Variants in DACH2 observed in about 807,000 individuals in gnomAD.
DACH2 encodes dachshund family transcription factor 2, also known as dachshund homolog 2.
A neutral mutation model predicts 35.8 loss-of-function variants in DACH2; 17 were observed. That is an observed-to-expected ratio of 0.48 (90% CI 0.33 to 0.71). The LOEUF is 0.71. DACH2 is among the 30% of genes least tolerant of loss of function. DACH2 has a pLI of 0.02. For synonymous variants in DACH2, 195 were observed against 177.3 expected, an observed-to-expected ratio of 1.10 and a Z score of -0.79; for missense variants, 469 against 472.7, an observed-to-expected ratio of 0.99 and a Z score of 0.07.
intron 4 of DACH2, among the ~76,000 whole-genome samples, chrX:86,688,279 T>C (rs763991786): frequency 8.9e-5 from 10 of 111,771 alleles, no homozygotes; most frequent in Non-Finnish European, 1.7e-4. Flanking sequence ...CCATCTTCTT[T>C]ATTTTTGTTT....
chrX:86,646,067 G>T (rs1279983706), intron 3 of DACH2, among the ~76,000 whole-genome samples: 2 of 111,177 alleles, frequency 1.8e-5, no homozygotes, highest in African/African-American at 3.3e-5. Context: ...GTTTAAAAAA[G>T]AAATAAAATA....
In DACH2 at chrX:86,438,288, A is replaced by T. The variant is rs746227440; in HGVS notation, c.527+61426A>T. On this transcript the variant is annotated intron_variant, in intron 2 of 11. Coordinates refer to ENST00000373125, the MANE Select transcript of DACH2 (RefSeq NM_053281.3). ...GCCTGGGCTGGAGTGCAATGGCGTG[A>T]TCTTGGCTCACTTCAACCTCCGCCT... Among the ~76,000 whole-genome samples the T allele has an allele frequency of 8.8e-4, 83 of 93,997 alleles. 2 individuals are homozygous for T. The highest frequency in any genetic ancestry group is 2.2e-3 in the South Asian group (4 of 1,809). The allele number at this position is 93,997 out of a possible 115,157, so 81.6% of individuals were successfully genotyped here. A position where few individuals can be genotyped will look rare whatever the true frequency, so the allele number is the denominator to read the frequency against.
intron 3 of DACH2, among the ~76,000 whole-genome samples, chrX:86,517,415 C>T (rs368837187): frequency 2.3e-4 from 24 of 104,912 alleles, no homozygotes; most frequent in East Asian, 2.0e-3. Context: ...GTCCTTTGCC[C>T]ACTTTTTTTT....
At chrX:86,636,762 A>G (rs1377319739) in intron 3 of DACH2, among the ~76,000 whole-genome samples, 1 of 111,084 alleles carries the variant, frequency 9.0e-6, no homozygotes, top group Non-Finnish European at 1.9e-5. Context: ...AAACCCTAGA[A>G]TACAACCTAC....
intron 3 of DACH2, among the ~76,000 whole-genome samples, chrX:86,523,994 G>T (rs914612936): frequency 2.7e-5 from 3 of 112,011 alleles, no homozygotes; most frequent in Non-Finnish European, 5.6e-5. Context: ...GGACTAGTTT[G>T]AAGGAGGAAC....
intron 1 of DACH2, among the ~76,000 whole-genome samples, chrX:86,171,954 T>C (rs747081789): frequency 8.9e-6 from 1 of 111,883 alleles, no homozygotes; most frequent in East Asian, 2.8e-4. Flanking sequence ...TGCCTTTGGG[T>C]ACACGTGTGA....
intron 2 of DACH2, among the ~76,000 whole-genome samples, chrX:86,421,412 A>G (rs751750499): frequency 9.0e-4 from 100 of 111,519 alleles, no homozygotes; most frequent in African/African-American, 3.1e-3. Flanking sequence ...AGTATTATCA[A>G]TGACTGGCAG....
intron 4 of DACH2, among the ~76,000 whole-genome samples, chrX:86,664,183 C>G (rs2040640168): frequency 9.0e-6 from 1 of 111,689 alleles, no homozygotes; most frequent in Admixed American, 9.6e-5. Flanking sequence ...AGTACCTGTT[C>G]CCATAAAACA....
intron 2 of DACH2, 160 bp from the exon 3 acceptor site, chrX:86,514,119 A>T (rs2038433128): frequency 6.2e-6 from 3 of 485,450 alleles, no homozygotes; most frequent in South Asian, 3.6e-5. Flanking sequence ...GCGGAAAGTA[A>T]AGAATTGGTC....
chrX:86,451,363 G>T (rs908339971), intron 2 of DACH2, among the ~76,000 whole-genome samples: 2 of 111,324 alleles, frequency 1.8e-5, no homozygotes, highest in South Asian at 3.7e-4. Flanking sequence ...AGATTAGATG[G>T]TTGTAGGTGT....
intron 1 of DACH2, among the ~76,000 whole-genome samples, chrX:86,231,478 T>A (rs1454262567): frequency 9.1e-6 from 1 of 110,059 alleles, no homozygotes; most frequent in Non-Finnish European, 1.9e-5. Context: ...GGGGTGAGAT[T>A]CCCAGGTCAC....
chrX:86,502,539 A>G, intron 2 of DACH2, among the ~76,000 whole-genome samples: 1 of 112,456 alleles, frequency 8.9e-6, no homozygotes, highest in Admixed American at 9.4e-5. Context: ...CAATTATGTA[A>G]TAGGAACATG....
chrX:86,831,252 G>C (rs1301991052), intron 11 of DACH2: 3 of 111,449 alleles, frequency 2.7e-5, no homozygotes, highest in Non-Finnish European at 5.7e-5. Flanking sequence ...TTTTAGATTA[G>C]ACATATTAGT....
chrX:86,288,697 A>T (rs1349051743), intron 1 of DACH2, among the ~76,000 whole-genome samples: 1 of 111,656 alleles, frequency 9.0e-6, no homozygotes, highest in African/African-American at 3.3e-5. Flanking sequence ...ATATTGCCAG[A>T]CTACCACTGA....
intron 1 of DACH2, among the ~76,000 whole-genome samples, chrX:86,293,897 G>A (rs79098375): frequency 9.0e-6 from 1 of 110,656 alleles, no homozygotes; most frequent in South Asian, 3.9e-4. Context: ...TGACAATTAT[G>A]TGTCTTGGAG....
chrX:86,518,721 C>T (rs189486042), intron 3 of DACH2, among the ~76,000 whole-genome samples: 1 of 111,815 alleles, frequency 8.9e-6, no homozygotes, highest in East Asian at 2.8e-4. Context: ...TATAGGAATG[C>T]TAGTGAGTTT....
chrX:86,485,489 T>C (rs1602572537), intron 2 of DACH2, among the ~76,000 whole-genome samples: 1 of 111,437 alleles, frequency 9.0e-6, no homozygotes, highest in East Asian at 2.8e-4. Flanking sequence ...TTAGCAGTAA[T>C]GTGTTATATG....
chrX:86,488,366 A>G (rs2038047651), intron 2 of DACH2, among the ~76,000 whole-genome samples: 1 of 110,849 alleles, frequency 9.0e-6, no homozygotes, highest in African/African-American at 3.3e-5. Flanking sequence ...AAGAATTTCC[A>G]CTAACTCTTG....
intron 1 of DACH2, among the ~76,000 whole-genome samples, chrX:86,299,346 C>T (rs1037464745): frequency 2.7e-5 from 3 of 111,420 alleles, no homozygotes; most frequent in Non-Finnish European, 5.7e-5. Flanking sequence ...TTTCCATGCC[C>T]CCAATGAGGG....
Sources: allele counts gnomAD v4.1 joint callset (sites outside exome capture counted in the v4.1 genomes callset), GRCh38; gene constraint gnomAD v4.1.1; transcripts MANE v1.5; gene names NCBI Gene and HGNC (gene_info 2026-07-23, HGNC 2026-07-21).